METTL2B: variants seen among roughly 807,000 people sequenced by gnomAD.
METTL2B encodes the protein methyltransferase 2B, tRNA N3-cytidine.
Under a neutral mutation model 51.0 loss-of-function variants are expected in METTL2B, and 28 were observed. The ratio of observed to expected loss-of-function variants is 0.55; its 90% confidence interval spans 0.41 to 0.75. The LOEUF is 0.75. METTL2B is among the 30% of genes least tolerant of loss of function. METTL2B has a pLI of 0.00. For synonymous variants in METTL2B, 128 were observed against 166.3 expected (o/e 0.77, Z 1.77); for missense variants, 313 against 460.7 (o/e 0.68, Z 2.93).
intron 6 of METTL2B, 114 bp downstream of exon 6, chr7:128,494,057 A>G: frequency 7.6e-7 from 1 of 1,322,564 alleles, no homozygotes; most frequent in Non-Finnish European, 1.0e-6. Context: ...CAGTGGCACG[A>G]TCATGGCTCA....
intron 3 of METTL2B, 41 bp downstream of exon 3, chr7:128,479,554 T>G: frequency 3.1e-6 from 5 of 1,589,028 alleles, no homozygotes; most frequent in Non-Finnish European, 4.3e-6. Context: ...TGTGAAGCTA[T>G]TATATTTGTG....
chr7:128,482,800 C>T lies in METTL2B; in HGVS notation c.608+2104C>T, dbSNP rs192530562. Among the ~76,000 whole-genome samples, 425 of 152,324 alleles carry T rather than the reference C, an allele frequency of 2.8e-3. 4 individuals carry two copies. Among genetic ancestry groups the T allele is most frequent in the African/African-American group, 9.8e-3 (406 of 41,568 alleles). ...CCACCCACCTCAGCCTCCCAAAGTG[C>T]TGGGATTACAGGCGTGAGCCATGGC... On this transcript the variant is annotated intron_variant, in intron 4 of 8. Transcript: ENST00000262432.
At position 128,479,201 on chromosome 7, in the gene METTL2B, C is replaced by A. The variant is rs577815271; in HGVS notation, c.246C>A (p.Tyr82Ter). 1 of 1,614,122 alleles carries A rather than the reference C, an allele frequency of 6.2e-7. No individual in the cohort carries two copies. The highest frequency in any genetic ancestry group is 1.7e-5 in the Admixed American group (1 of 60,020). ...CCCACAAATACTGGAATGACTTCTA[C>A]AAAATCCACGAAAATGGGTTTTTCA... The part of the protein sequence containing the change: ...INAHKYWNDF[Y>*]KIHENGFFKD... The change falls in exon 3 of 9, where the codon TAC (tyrosine) becomes TAA (stop). Residue 82 changes from tyrosine to a stop codon, truncating the protein, a stop_gained. Coordinates refer to ENST00000262432, the MANE Select transcript of METTL2B (RefSeq NM_018396.3). LOFTEE classifies it high-confidence loss of function.
Position 128,476,838 on chromosome 7 carries a change from C to T in METTL2B, c.73C>T (p.Leu25=). 6.2e-7 allele frequency: 1 copy of T among 1,614,114 alleles called. No individual in the cohort carries two copies. Among genetic ancestry groups the T allele is most frequent in the Non-Finnish European group, 8.5e-7 (1 of 1,180,004 alleles). The stretch of plus-strand genomic sequence containing the variant: ...GAGGCAGCAGTTCGGAAGCCGGTTC[C>T]TGAGCGATCCGGCGCGCGTCTTCCA... ...DKRQQFGSRF[L]SDPARVFHHN... The change falls in exon 1 of 9, where the codon CTG becomes TTG. Residue 25 remains leucine, a synonymous_variant. Transcript: ENST00000262432.
chr7:128,490,388 C>A (rs1231072129), intron 5 of METTL2B, among the ~76,000 whole-genome samples: 12 of 145,890 alleles, frequency 8.2e-5, no homozygotes, highest in East Asian at 6.1e-4. Context: ...TAGAGTGACA[C>A]AATCATAGCC....
chr7:128,480,848 A>G (rs1799864131), intron 4 of METTL2B, 152 bp downstream of exon 4: 4 of 1,038,750 alleles, frequency 3.9e-6, no homozygotes, highest in Non-Finnish European at 5.5e-6. Context: ...GCAATGTAGC[A>G]AGAAAAAAAA....
At chr7:128,477,043 G>A in intron 1 of METTL2B, 39 bp from the exon 2 acceptor site, 1 of 1,614,004 alleles carries the variant, frequency 6.2e-7, no homozygotes, top group African/African-American at 1.3e-5. Context: ...CTCGCAGCCA[G>A]GACGTGAAGC....
intron 2 of METTL2B, chr7:128,477,945 A>G (rs756256211): frequency 2.2e-6 from 1 of 449,432 alleles, no homozygotes; most frequent in Non-Finnish European, 4.5e-6. Context: ...TTCTCTTTTT[A>G]TAGTTAAAGA....
intron 7 of METTL2B, among the ~76,000 whole-genome samples, chr7:128,500,103 G>A (rs1228448679): frequency 1.3e-5 from 2 of 152,168 alleles, no homozygotes; most frequent in Non-Finnish European, 2.9e-5. Flanking sequence ...CACGTGTGAT[G>A]ATTTGGGCAT....
Position 128,506,563 on chromosome 7 carries a change from C to G in METTL2B, c.*4647C>G, listed in dbSNP as rs1320447714. On this transcript the variant is annotated 3_prime_UTR_variant, in exon 9 of 9. Coordinates refer to ENST00000262432, the MANE Select transcript of METTL2B (RefSeq NM_018396.3). ...GTTGGGAGGGATTAAAGTATATGAC[C>G]TCAGTGCCACTTAAAAAATAAATAC... is the stretch of plus-strand genomic sequence containing the variant. 2.0e-5 allele frequency: 3 copies of G among 152,184 alleles called. No individual in the cohort carries two copies. In the East Asian group the frequency reaches 5.8e-4, roughly 29 times the overall value. 9.4% of individuals were successfully genotyped at this position (152,184 alleles called of 1,614,324 possible). A position where few individuals can be genotyped will look rare whatever the true frequency, so the allele number is the denominator to read the frequency against.
At chr7:128,493,127 T>C (rs1378169821) in intron 5 of METTL2B, among the ~76,000 whole-genome samples, 1 of 152,224 alleles carries the variant, frequency 6.6e-6, no homozygotes, top group African/African-American at 2.4e-5. Flanking sequence ...CAATTATTCC[T>C]GATCTTTACT....
chr7:128,500,061 C>T (rs1294579005), intron 7 of METTL2B, among the ~76,000 whole-genome samples: 2 of 151,956 alleles, frequency 1.3e-5, no homozygotes, highest in African/African-American at 4.8e-5. Context: ...ACTCCATCCC[C>T]GTATACCAGT....
rs576108724 is a variant in METTL2B at position 128,505,885 on chromosome 7, C to T, written c.*3969C>T. 7.9e-5 allele frequency: 12 copies of T among 152,356 alleles called. No homozygotes were observed. Among genetic ancestry groups the T allele is most frequent in the East Asian group, 7.7e-4 (4 of 5,176 alleles). 9.4% of individuals were successfully genotyped at this position (152,356 alleles called of 1,614,324 possible). A position where few individuals can be genotyped will look rare whatever the true frequency, so the allele number is the denominator to read the frequency against. Reference sequence around the variant, plus strand: ...TCACCCAGGCTGGAGTGCAGCAGCACGATCACTGCTTACTGCTTACTGCAG... The same window carrying T: ...TCACCCAGGCTGGAGTGCAGCAGCATGATCACTGCTTACTGCTTACTGCAG... On this transcript the variant is annotated 3_prime_UTR_variant, in exon 9 of 9. Coordinates refer to ENST00000262432, the MANE Select transcript of METTL2B (RefSeq NM_018396.3).
chr7:128,501,329 G>A (rs1391405445), intron 8 of METTL2B: 5 of 985,304 alleles, frequency 5.1e-6, no homozygotes, highest in Admixed American at 6.2e-5. Context: ...GGGTTCTAGG[G>A]GTGCCGGGAA....
rs1481126313 is a variant in METTL2B, at chr7:128,505,604, GGGAAGTGCTT to G, written c.*3689_*3698del. 2 of 152,292 alleles carry G rather than the reference GGGAAGTGCTT, an allele frequency of 1.3e-5. No individual in the cohort carries two copies. Among genetic ancestry groups the G allele is most frequent in the East Asian group, 3.9e-4 (2 of 5,186 alleles). The allele number at this position is 152,292 out of a possible 1,614,324, so 9.4% of individuals were successfully genotyped here. On this transcript the variant is annotated 3_prime_UTR_variant, in exon 9 of 9. Coordinates refer to ENST00000262432, the MANE Select transcript of METTL2B (RefSeq NM_018396.3). ...CTGTAAAGTTAATAAGTATTTTGTA[GGGAAGTGCTT>G]TGAGACTAAATATCCTGTTCCTCAT...
At chr7:128,494,104 C>T (rs955613608) in intron 6 of METTL2B, among the ~76,000 whole-genome samples, 161 bp downstream of exon 6, 1 of 152,110 alleles carries the variant, frequency 6.6e-6, no homozygotes, top group African/African-American at 2.4e-5. Context: ...ATGATCCTCC[C>T]TCCTCAGCTT....
chr7:128,484,703 C>T (rs1156993480), intron 4 of METTL2B, among the ~76,000 whole-genome samples: 1 of 152,090 alleles, frequency 6.6e-6, no homozygotes. Flanking sequence ...AGCGATTCTC[C>T]TGCCTCAGCC....
intron 5 of METTL2B, among the ~76,000 whole-genome samples, chr7:128,491,808 T>G (rs1170453674): frequency 6.6e-6 from 1 of 151,406 alleles, no homozygotes; most frequent in Non-Finnish European, 1.5e-5. Context: ...TATAATGCTG[T>G]TAGGGCAGAT....
intron 6 of METTL2B, among the ~76,000 whole-genome samples, chr7:128,496,866 T>C (rs1180227591): frequency 6.6e-6 from 1 of 152,028 alleles, no homozygotes; most frequent in East Asian, 1.9e-4. Flanking sequence ...CTGCAATCTC[T>C]GCCTCCCGGG....
Sources: gnomAD v4.1 joint callset for allele counts (sites outside exome capture counted in the v4.1 genomes callset) on GRCh38, gnomAD v4.1.1 for gene constraint, MANE v1.5 for transcripts, NCBI Gene and HGNC (gene_info 2026-07-23, HGNC 2026-07-21) for gene names.